Variants in APOLD1 observed in about 807,000 individuals in gnomAD.
APOLD1 encodes the protein apolipoprotein L domain containing 1, also known as apolipoprotein L domain-containing protein 1.
APOLD1 carries 22 observed loss-of-function variants against 15.3 expected under a neutral mutation model. The observed-to-expected ratio is 1.44, with a 90% CI of 1.03 to 2.05. The LOEUF is 2.05. Ranked by LOEUF, APOLD1 falls within the 30% of genes most tolerant of loss-of-function variation. The pLI is 0.00. For missense variants in APOLD1, 394 were observed against 353.5 expected (o/e 1.11, Z -0.92); for synonymous variants, 190 against 167.4 (o/e 1.13, Z -1.04).
chr12:12,766,650 A>ACCAGCCTGG (rs1312335590), intron 1 of APOLD1, among the ~76,000 whole-genome samples: 1 of 152,188 alleles, frequency 6.6e-6, no homozygotes, highest in Non-Finnish European at 1.5e-5. Flanking sequence ...GGAGTTTGAG[A>ACCAGCCTGG]CCAGCCTGGC....
chr12:12,756,833 C>T (rs930568384), intron 1 of APOLD1, among the ~76,000 whole-genome samples: 1 of 152,116 alleles, frequency 6.6e-6, no homozygotes, highest in Non-Finnish European at 1.5e-5. Context: ...ATTGCCCAGG[C>T]TGGAGTGCAA....
intron 1 of APOLD1, chr12:12,764,623 G>T (rs749359455): frequency 2.2e-6 from 1 of 450,744 alleles, no homozygotes; most frequent in Non-Finnish European, 4.5e-6. Flanking sequence ...TTTCTACTAG[G>T]TGTGGGCTTT....
intron 1 of APOLD1, among the ~76,000 whole-genome samples, chr12:12,758,942 A>C (rs959440824): frequency 2.0e-5 from 3 of 152,176 alleles, no homozygotes; most frequent in Non-Finnish European, 4.4e-5. Flanking sequence ...ATTAGGAAGT[A>C]AAATAGGGTG....
intron 1 of APOLD1, among the ~76,000 whole-genome samples, chr12:12,770,693 A>G (rs1487690164): frequency 6.6e-6 from 1 of 151,878 alleles, no homozygotes; most frequent in Non-Finnish European, 1.5e-5. Context: ...TATTTGAAAC[A>G]ATAGTGATTG....
intron 1 of APOLD1, among the ~76,000 whole-genome samples, chr12:12,766,250 A>T (rs982885648): frequency 5.9e-5 from 9 of 152,198 alleles, no homozygotes; most frequent in African/African-American, 2.2e-4. Context: ...AAAATCTTGA[A>T]AGAATTTGAT....
intron 1 of APOLD1, among the ~76,000 whole-genome samples, chr12:12,759,703 T>C (rs910788607): frequency 6.6e-6 from 1 of 152,224 alleles, no homozygotes; most frequent in Non-Finnish European, 1.5e-5. Flanking sequence ...TCGGGCTGCC[T>C]TGACGTCAGT....
At chr12:12,730,716 T>A (rs1298621766) in intron 1 of APOLD1, among the ~76,000 whole-genome samples, 9 of 2,122 alleles carry the variant, frequency 4.2e-3, no homozygotes, top group Admixed American at 0.024. Flanking sequence ...AGAAAAAAGT[T>A]TTTTTTTTTT....
intron 1 of APOLD1, 63 bp downstream of exon 1, chr12:12,785,757 G>GGGATAATTTTCCAGGT: frequency 1.3e-6 from 2 of 1,510,030 alleles, no homozygotes; most frequent in Non-Finnish European, 1.8e-6. Flanking sequence ...CTTTTCACCT[G>GGGATAATTTTCCAGGT]GAAAATTATC....
In APOLD1 at chr12:12,787,784, G is replaced by A. The variant is rs957754440; in HGVS notation, c.*132G>A. On this transcript the variant is annotated 3_prime_UTR_variant, in exon 2 of 2. Coordinates refer to ENST00000356591, the MANE Select transcript of APOLD1 (RefSeq NM_030817.3). The surrounding 1 kb of genome is among the most constrained non-coding windows in gnomAD (Gnocchi z 4.9). ...GCAAAGGATGAGAAAAACTGTTTTTGAAGTGGGCAGGTCCCCAAAGCCCTT... is the reference window on the plus strand; with the variant it reads ...GCAAAGGATGAGAAAAACTGTTTTTAAAGTGGGCAGGTCCCCAAAGCCCTT... 4 of 1,321,812 alleles carry A rather than the reference G, an allele frequency of 3.0e-6. No individual in the cohort carries two copies. In the Admixed American group the frequency reaches 1.0e-4, roughly 34 times the overall value. The allele number at this position is 1,321,812 out of a possible 1,614,324, so 81.9% of individuals were successfully genotyped here. A position where few individuals can be genotyped will look rare whatever the true frequency, so the allele number is the denominator to read the frequency against.
chr12:12,787,994 C>A lies in APOLD1; in HGVS notation c.*342C>A, dbSNP rs1388775615. 4.3e-6 allele frequency: 1 copy of A among 234,838 alleles called. No homozygotes were observed. The highest frequency in any genetic ancestry group is 6.8e-5 in the South Asian group (1 of 14,640). The allele number at this position is 234,838 out of a possible 1,614,324, so 14.5% of individuals were successfully genotyped here. On this transcript the variant is annotated 3_prime_UTR_variant, in exon 2 of 2. Coordinates refer to ENST00000356591, the MANE Select transcript of APOLD1 (RefSeq NM_030817.3). The surrounding 1 kb of genome is among the most constrained non-coding windows in gnomAD (Gnocchi z 4.9). The stretch of plus-strand genomic sequence containing the variant: ...CCCTGACCCTGCCCTGGTGGCTTGG[C>A]CTGAGACTGGAGAGAGTGCCATCCT...
At chr12:12,755,654 A>G (rs976340047) in intron 1 of APOLD1, among the ~76,000 whole-genome samples, 1 of 152,184 alleles carries the variant, frequency 6.6e-6, no homozygotes, top group Non-Finnish European at 1.5e-5. Context: ...CAGCCTGGAC[A>G]ACATGGAGAA....
At chr12:12,745,029 C>T (rs1433645047) in intron 1 of APOLD1, among the ~76,000 whole-genome samples, 1 of 152,080 alleles carries the variant, frequency 6.6e-6, no homozygotes, top group East Asian at 1.9e-4. Context: ...TGTTTTATGC[C>T]TGTGTGTTAG....
chr12:12,733,078 C>A lies in APOLD1; in HGVS notation c.96+6982C>A, dbSNP rs190988482. Among the ~76,000 whole-genome samples the A allele has an allele frequency of 2.5e-4, 38 of 151,734 alleles. No homozygotes were observed. In the East Asian group the frequency reaches 7.0e-3, roughly 28 times the overall value. The stretch of plus-strand genomic sequence containing the variant: ...CCTGTAATCCCAGCACTTTGGGAGA[C>A]CGAGAGAGGCAGATGGATAAAGCCC... On this transcript the variant is annotated intron_variant, in intron 1 of 1. Transcript: ENST00000326765.
chr12:12,767,216 A>C (rs1237264434), intron 1 of APOLD1, among the ~76,000 whole-genome samples: 1 of 152,084 alleles, frequency 6.6e-6, no homozygotes, highest in Non-Finnish European at 1.5e-5. Flanking sequence ...AGTGCACTCC[A>C]GCTTGGGTGA....
intron 1 of APOLD1, among the ~76,000 whole-genome samples, chr12:12,759,554 T>TTTGTTG (rs59563059): frequency 6.6e-6 from 1 of 152,128 alleles, no homozygotes; most frequent in Admixed American, 6.6e-5. Flanking sequence ...GATATCTGTT[T>TTTGTTG]TTGTTGTTGT....
chr12:12,737,876 T>C (rs1592290297), intron 1 of APOLD1, among the ~76,000 whole-genome samples: 2 of 152,254 alleles, frequency 1.3e-5, no homozygotes, highest in South Asian at 2.1e-4. Context: ...AGGGTCGTTA[T>C]CTAGGGGGAG....
At chr12:12,785,057 G>T (rs1947113541), upstream of APOLD1, among the ~76,000 whole-genome samples, 2 of 152,126 alleles carry the variant, frequency 1.3e-5, no homozygotes, top group African/African-American at 4.8e-5. Context: ...TTCTGAGACC[G>T]CCAATGTCTT....
rs921982071 is a variant in APOLD1 at position 12,789,257 on chromosome 12, C to T, written c.*1605C>T. On this transcript the variant is annotated 3_prime_UTR_variant, in exon 2 of 2. Coordinates refer to ENST00000356591, the MANE Select transcript of APOLD1 (RefSeq NM_030817.3). ...TTAAGTTTGAGTTTCTAAGGCAGGG[C>T]ATGAGCTGGAAATAGCATTGCTTTC... The T allele has an allele frequency of 3.9e-5, 6 of 152,194 alleles. No individual in the cohort carries two copies. Among genetic ancestry groups the T allele is most frequent in the African/African-American group, 1.2e-4 (5 of 41,446 alleles). The allele number at this position is 152,194 out of a possible 1,614,324, so 9.4% of individuals were successfully genotyped here. A position where few individuals can be genotyped will look rare whatever the true frequency, so the allele number is the denominator to read the frequency against.
At chr12:12,780,232 GTTA>G (rs1947068462) in intron 1 of APOLD1, among the ~76,000 whole-genome samples, 2 of 141,952 alleles carry the variant, frequency 1.4e-5, no homozygotes, top group Non-Finnish European at 3.1e-5. Context: ...GTGAATATGT[GTTA>G]TTATTTTAAT....
Sources: allele counts gnomAD v4.1 joint callset (sites outside exome capture counted in the v4.1 genomes callset), GRCh38; gene constraint gnomAD v4.1.1; non-coding constraint Gnocchi (gnomAD v3.1); transcripts MANE v1.5; gene names NCBI Gene and HGNC (gene_info 2026-07-23, HGNC 2026-07-21).